Variants in DSCAM observed in about 807,000 individuals in gnomAD.
The protein encoded by DSCAM is DS cell adhesion molecule, also known as cell adhesion molecule DSCAM.
DSCAM carries 47 observed loss-of-function variants against 217.7 expected under a neutral mutation model. That is an observed-to-expected ratio of 0.22 (90% CI 0.17 to 0.28). The LOEUF (loss-of-function observed/expected upper bound fraction) is 0.28, where lower values mean the gene tolerates loss of function less well. Ranked by LOEUF, DSCAM falls within the 10% of genes least tolerant of loss-of-function variation. The probability of loss-of-function intolerance (pLI) is 1.00; values close to 1 mark genes in which losing one functional copy is unlikely to be tolerated. For synonymous variants in DSCAM, 1,056 were observed against 1,015.3 expected (o/e 1.04, Z -0.76); for missense variants, 2,080 against 2,618.3 (o/e 0.79, Z 4.49).
At position 40,035,897 on chromosome 21, in the gene DSCAM, A is replaced by G. The variant is rs1409309419; in HGVS notation, c.5686+6474T>C. Among the ~76,000 whole-genome samples, 43 of 148,514 alleles carry G rather than the reference A, an allele frequency of 2.9e-4. 1 individual carries two copies. The East Asian group carries it at 8.3e-3, about 29-fold the overall frequency. ...CGCTCAACTACATGGAAACTGAACA[A>G]CCTGCTCCTGAATGACTACTGGGTA... On this transcript the variant is annotated intron_variant, in intron 32 of 32. Transcript: ENST00000400454.
At chr21:40,522,121 A>T (rs946299967) in intron 3 of DSCAM, among the ~76,000 whole-genome samples, 18 of 152,222 alleles carry the variant, frequency 1.2e-4, no homozygotes, top group Admixed American at 9.8e-4. Flanking sequence ...GAACAAAGCT[A>T]GGCATAAGGT....
intron 1 of DSCAM, among the ~76,000 whole-genome samples, chr21:40,825,933 C>A (rs9974946): frequency 0.057 from 8,744 of 152,216 alleles, 288 homozygotes; most frequent in South Asian, 0.1. Flanking sequence ...TCCCTAAGAG[C>A]TATACATTGC....
intron 16 of DSCAM, among the ~76,000 whole-genome samples, chr21:40,147,595 T>C (rs2090372343): frequency 1.3e-5 from 2 of 152,248 alleles, no homozygotes; most frequent in African/African-American, 2.4e-5. Flanking sequence ...TCTCATTTTG[T>C]TTTATAATAA....
At position 40,571,413 on chromosome 21, in the gene DSCAM, C is replaced by A. The variant is rs1196698008; in HGVS notation, c.508+121397G>T. ...GAATGCTTCAAAAAATCACATGTAT[C>A]CTGAAGATATGGACATCTAATATGT... is the stretch of plus-strand genomic sequence containing the variant. On this transcript the variant is annotated intron_variant, in intron 3 of 32. Transcript: ENST00000400454. Among the ~76,000 whole-genome samples, 3 of 152,038 alleles carry A rather than the reference C, an allele frequency of 2.0e-5. No homozygotes were observed. The South Asian group carries it at 6.2e-4, about 32-fold the overall frequency.
intron 3 of DSCAM, among the ~76,000 whole-genome samples, chr21:40,660,848 G>A (rs2090131061): frequency 1.3e-5 from 2 of 152,072 alleles, no homozygotes; most frequent in Admixed American, 1.3e-4. Flanking sequence ...GAAATTTAGT[G>A]AAAAAAGAAA....
Position 40,791,391 on chromosome 21 carries a change from A to G in DSCAM, c.43+55228T>C, listed in dbSNP as rs543791857. ...ATTTTAAGGCCAGGCGCAGTGGTTC[A>G]CGCCTGTAATCCCAGCACTTTGGGA... On this transcript the variant is annotated intron_variant, in intron 1 of 32. Transcript: ENST00000400454. Among the ~76,000 whole-genome samples, 5 of 152,266 alleles carry G rather than the reference A, an allele frequency of 3.3e-5. No individual in the cohort carries two copies. In the East Asian group the frequency reaches 7.8e-4, roughly 24 times the overall value.
intron 20 of DSCAM, among the ~76,000 whole-genome samples, chr21:40,118,092 C>T (rs2089992880): frequency 6.6e-6 from 1 of 152,150 alleles, no homozygotes; most frequent in African/African-American, 2.4e-5. Flanking sequence ...GGAAATCTAT[C>T]TAGGTCATAT....
chr21:40,408,459 A>G (rs1261707912), intron 3 of DSCAM, among the ~76,000 whole-genome samples: 3 of 152,140 alleles, frequency 2.0e-5, no homozygotes, highest in African/African-American at 7.2e-5. Flanking sequence ...CATTTGCTGG[A>G]AATTGCCCTA....
chr21:40,422,727 G>T (rs1436980491), intron 3 of DSCAM, among the ~76,000 whole-genome samples: 2 of 152,106 alleles, frequency 1.3e-5, no homozygotes. Flanking sequence ...ATAACAACTT[G>T]CAAAAACCAC....
rs547003936 is a variant in DSCAM, at chr21:40,012,580, T to C, written c.*454A>G. 6.6e-6 allele frequency: 1 copy of C among 152,006 alleles called. No homozygotes were observed. Among genetic ancestry groups the C allele is most frequent in the Non-Finnish European group, 1.5e-5 (1 of 68,168 alleles). The allele number at this position is 152,006 out of a possible 1,614,324, so 9.4% of individuals were successfully genotyped here. On this transcript the variant is annotated 3_prime_UTR_variant, in exon 33 of 33. Coordinates refer to ENST00000400454, the MANE Select transcript of DSCAM (RefSeq NM_001389.5). ...AAAGAAGACCAAATTGAGAACCCGG[T>C]TTCTAATGGGAAAGAAAGGTGTGCA...
chr21:40,345,316 A>G (rs1366859978), intron 6 of DSCAM, among the ~76,000 whole-genome samples: 1 of 152,002 alleles, frequency 6.6e-6, no homozygotes, highest in Non-Finnish European at 1.5e-5. Context: ...TTTATTGCAC[A>G]TTTGTATTCT....
chr21:40,568,740 G>A (rs571523880), intron 3 of DSCAM, among the ~76,000 whole-genome samples: 1 of 152,308 alleles, frequency 6.6e-6, no homozygotes, highest in East Asian at 1.9e-4. Flanking sequence ...TAAAATACCA[G>A]CATTTTAATG....
intron 1 of DSCAM, among the ~76,000 whole-genome samples, chr21:40,787,417 T>C (rs777032694): frequency 2.6e-5 from 4 of 152,218 alleles, no homozygotes; most frequent in Non-Finnish European, 5.9e-5. Flanking sequence ...CTGGTACAAA[T>C]GAATCTACCA....
At chr21:40,058,900 G>A (rs938514610) in intron 28 of DSCAM, among the ~76,000 whole-genome samples, 1 of 152,334 alleles carries the variant, frequency 6.6e-6, no homozygotes, top group South Asian at 2.1e-4. Flanking sequence ...ATAGGATCAT[G>A]CTAAACATAT....
At chr21:40,578,574 G>C (rs893961805) in intron 3 of DSCAM, among the ~76,000 whole-genome samples, 1 of 152,172 alleles carries the variant, frequency 6.6e-6, no homozygotes, top group Admixed American at 6.5e-5. Context: ...CTGGCCACTG[G>C]AGCCAGCAGC....
intron 1 of DSCAM, among the ~76,000 whole-genome samples, chr21:40,728,599 T>C (rs1335814162): frequency 3.3e-5 from 5 of 152,090 alleles, no homozygotes; most frequent in Non-Finnish European, 5.9e-5. Context: ...TTTGTATTTT[T>C]AGTAGAGACG....
At chr21:40,581,684 T>TC (rs2076906761) in intron 3 of DSCAM, among the ~76,000 whole-genome samples, 11 of 152,174 alleles carry the variant, frequency 7.2e-5, no homozygotes, top group Admixed American at 7.2e-4. Context: ...AAGCTATTTT[T>TC]CCCACTGTTA....
chr21:40,552,958 G>C (rs916948585), intron 3 of DSCAM, among the ~76,000 whole-genome samples: 2 of 104,492 alleles, frequency 1.9e-5, no homozygotes, highest in African/African-American at 6.2e-5. Flanking sequence ...TGTGGAAACA[G>C]CTTTCTAATT....
intron 15 of DSCAM, among the ~76,000 whole-genome samples, chr21:40,172,887 T>C (rs1307158611): frequency 6.6e-6 from 1 of 152,138 alleles, no homozygotes; most frequent in Admixed American, 6.6e-5. Context: ...GTTGGGTGGG[T>C]GGGCGAGAGG....
Sources: allele counts gnomAD v4.1 joint callset (sites outside exome capture counted in the v4.1 genomes callset), GRCh38; gene constraint gnomAD v4.1.1; transcripts MANE v1.5; gene names NCBI Gene and HGNC (gene_info 2026-07-23, HGNC 2026-07-21).